CC2D2B: variants seen among roughly 807,000 people sequenced by gnomAD.
CC2D2B encodes coiled-coil and C2 domain containing 2B, also known as protein CC2D2B.
A neutral mutation model predicts 161.2 loss-of-function variants in CC2D2B; 128 were observed. That is an observed-to-expected ratio of 0.79 (90% CI 0.69 to 0.92). The LOEUF (loss-of-function observed/expected upper bound fraction) is 0.92. Ranked by LOEUF, CC2D2B falls within the 40% of genes least tolerant of loss-of-function variation. The pLI is 0.00. For synonymous variants in CC2D2B, 391 were observed against 449.8 expected (o/e 0.87, Z 1.65); for missense variants, 1,173 against 1,375.1 (o/e 0.85, Z 2.32).
intron 15 of CC2D2B, 75 bp from the exon 16 acceptor site, chr10:95,971,991 T>C: frequency 2.8e-6 from 2 of 702,846 alleles, no homozygotes; most frequent in Non-Finnish European, 4.0e-6. Context: ...AAATATATGT[T>C]GTTAAGGGTG....
chr10:95,936,008 C>G (rs936130190), intron 6 of CC2D2B, among the ~76,000 whole-genome samples: 2 of 152,178 alleles, frequency 1.3e-5, no homozygotes, highest in Non-Finnish European at 2.9e-5. Context: ...CTTAATCAGT[C>G]ATCTGACTTC....
At chr10:95,938,452 C>A in intron 7 of CC2D2B, 117 bp from the exon 8 acceptor site, 1 of 601,690 alleles carries the variant, frequency 1.7e-6, no homozygotes, top group South Asian at 2.3e-5. Context: ...GAGAGAGAGG[C>A]TTTCTGCTAG....
chr10:95,929,934 A>T (rs963746050), intron 6 of CC2D2B, among the ~76,000 whole-genome samples: 4 of 152,204 alleles, frequency 2.6e-5, no homozygotes, highest in African/African-American at 9.6e-5. Context: ...CTGTGAAGAA[A>T]GTCAATGGTA....
chr10:95,947,078 C>CAAAAAAAAAAAA lies in CC2D2B; in HGVS notation c.802-2813_802-2812insAAAAAAAAAAAA, dbSNP rs368168752. 6.7e-3 allele frequency among the ~76,000 whole-genome samples: 344 copies of CAAAAAAAAAAAA among 51,498 alleles called. 5 individuals carry two copies. The highest frequency in any genetic ancestry group is 0.013 in the Admixed American group (56 of 4,304). 33.8% of individuals were successfully genotyped at this position (51,498 alleles called of 152,430 possible). A position where few individuals can be genotyped will look rare whatever the true frequency, so the allele number is the denominator to read the frequency against. The stretch of plus-strand genomic sequence containing the variant: ...GTGCATAAATTCCAAATAGTGGACT[C>CAAAAAAAAAAAA]AAAAATATATATATATATATATATA... On this transcript the variant is annotated intron_variant, in intron 9 of 34. Transcript: ENST00000646931.
At position 95,927,233 on chromosome 10, in the gene CC2D2B, A is replaced by G. The variant is rs1341052847; in HGVS notation, c.241-4A>G. 6.6e-7 allele frequency: 1 copy of G among 1,509,930 alleles called. No homozygotes were observed. Among genetic ancestry groups the G allele is most frequent in the Non-Finnish European group, 9.0e-7 (1 of 1,110,386 alleles). The allele number at this position is 1,509,930 out of a possible 1,614,324, so 93.5% of individuals were successfully genotyped here. A position where few individuals can be genotyped will look rare whatever the true frequency, so the allele number is the denominator to read the frequency against. ...TTTCAACACTAAATACTGGTTTATCATAGTTGTCTCCACAGACTGAAGTCT... is the reference window on the plus strand; with the variant it reads ...TTTCAACACTAAATACTGGTTTATCGTAGTTGTCTCCACAGACTGAAGTCT... On this transcript the variant is annotated splice_region_variant and splice_polypyrimidine_tract_variant and intron_variant, in intron 5 of 34. Transcript: ENST00000646931.
At position 95,917,932 on chromosome 10, in the gene CC2D2B, C is replaced by A. The variant is rs552572156; in HGVS notation, c.37-4084C>A. On this transcript the variant is annotated intron_variant, in intron 2 of 34. Transcript: ENST00000646931. ...GCTGGGTTACAGACGCACACCACCACACCTGGCTAATTTTTGTATTTTTAA... is the reference window on the plus strand; with the variant it reads ...GCTGGGTTACAGACGCACACCACCAAACCTGGCTAATTTTTGTATTTTTAA... Among the ~76,000 whole-genome samples, 10 of 152,188 alleles carry A rather than the reference C, an allele frequency of 6.6e-5. No individual in the cohort carries two copies. The East Asian group carries it at 9.7e-4, about 15-fold the overall frequency.
intron 34 of CC2D2B, among the ~76,000 whole-genome samples, chr10:96,028,411 A>G (rs1225934449): frequency 1.3e-5 from 2 of 152,228 alleles, no homozygotes; most frequent in African/African-American, 4.8e-5. Flanking sequence ...AATGCAAATC[A>G]AAACTAAATA....
In CC2D2B at chr10:96,031,934, G is replaced by A. The variant is rs1256086459; in HGVS notation, c.4240G>A (p.Val1414Ile). 5 of 1,613,788 alleles carry A rather than the reference G, an allele frequency of 3.1e-6. No individual in the cohort carries two copies. The East Asian group carries it at 6.7e-5, about 22-fold the overall frequency. Residue 1414 changes from valine (V) to isoleucine (I), a missense_variant, in exon 35 of 35, where the codon GTA becomes ATA. By Grantham distance (29) the Val-to-Ile change is conservative. Coordinates refer to ENST00000646931, the MANE Select transcript of CC2D2B (RefSeq NM_001349008.3). Reference protein sequence around the residue: ...EFPQTEFALAVYIHPYPNNIL... With the variant: ...EFPQTEFALAIYIHPYPNNIL... ...TCCCCAGACAGAATTTGCTTTAGCT[G>A]TATACATTCACCCATACCCAAACAA...
chr10:96,019,079 T>A, intron 30 of CC2D2B, 124 bp from the exon 31 acceptor site: 3 of 729,228 alleles, frequency 4.1e-6, no homozygotes, highest in Non-Finnish European at 6.4e-6. Flanking sequence ...AGAGCCGGGA[T>A]TACAGGTATA....
upstream of CC2D2B, chr10:95,907,806 G>C (rs536794384): frequency 4.6e-5 from 7 of 152,688 alleles, no homozygotes; most frequent in Non-Finnish European, 7.3e-5. Flanking sequence ...GAGGGGCGGG[G>C]GTGATAGACC....
intron 2 of CC2D2B, among the ~76,000 whole-genome samples, chr10:95,918,153 C>T (rs1465001965): frequency 6.6e-6 from 1 of 152,170 alleles, no homozygotes; most frequent in Admixed American, 6.5e-5. Flanking sequence ...AGTTTACACA[C>T]CACAATTATG....
chr10:95,914,510 A>T (rs1391807406), intron 2 of CC2D2B, among the ~76,000 whole-genome samples: 2 of 152,136 alleles, frequency 1.3e-5, no homozygotes, highest in African/African-American at 4.8e-5. Context: ...TAATCCCCAT[A>T]ATCCCCAAGT....
At chr10:96,009,200 A>G (rs2078883437) in intron 25 of CC2D2B, among the ~76,000 whole-genome samples, 1 of 152,090 alleles carries the variant, frequency 6.6e-6, no homozygotes, top group Non-Finnish European at 1.5e-5. Context: ...TCTAGACAGC[A>G]TACAGTTGAG....
intron 24 of CC2D2B, among the ~76,000 whole-genome samples, chr10:95,997,585 C>T (rs2141727514): frequency 6.6e-6 from 1 of 152,240 alleles, no homozygotes; most frequent in South Asian, 2.1e-4. Flanking sequence ...ACTAGGGTCT[C>T]ACTATGTTGC....
rs1241642501 is a variant in CC2D2B at position 95,974,024 on chromosome 10, T to C, written c.1811T>C (p.Leu604Pro). 8.1e-7 allele frequency: 1 copy of C among 1,231,536 alleles called. No homozygotes were observed. Among genetic ancestry groups the C allele is most frequent in the East Asian group, 3.2e-5 (1 of 31,694 alleles). 76.3% of individuals were successfully genotyped at this position (1,231,536 alleles called of 1,614,324 possible). Reference sequence around the variant, plus strand: ...TTATAAACAGATGTGCCTTTTCTTCTTGAGGGAAATGGAACTGAAGAACTC... The same window carrying C: ...TTATAAACAGATGTGCCTTTTCTTCCTGAGGGAAATGGAACTGAAGAACTC... ...GEVGSNVPFL[L>P]EGNGTEELCL... Residue 604 changes from leucine (L) to proline (P), a missense_variant, in exon 17 of 35, where the codon CTT (leucine) becomes CCT (proline). By Grantham distance (98) the Leu-to-Pro change is moderately conservative (BLOSUM62 -3). Around this residue, in one of 3 missense-constraint regions of CC2D2B, gnomAD observed 277 missense variants for 420.6 expected, o/e 0.66. Coordinates refer to ENST00000646931, the MANE Select transcript of CC2D2B (RefSeq NM_001349008.3).
In CC2D2B at chr10:96,012,595, T is replaced by C; in HGVS notation, c.3292T>C (p.Phe1098Leu). ...TTTTAAAAAGAATTGTAAGGCAATG[T>C]TTCCCAACCGAAGAATCGTAACTAC... ...QIFKKNCKAMFPNRRIVTTVF... is the reference protein window; with the variant it reads ...QIFKKNCKAMLPNRRIVTTVF... The change falls in exon 28 of 35, where the codon TTT becomes CTT. Residue 1098 changes from phenylalanine (F) to leucine (L), a missense_variant. Phe to Leu is a conservative substitution (Grantham distance 22, BLOSUM62 0). Around this residue, in one of 3 missense-constraint regions of CC2D2B, gnomAD observed 598 missense variants for 693.2 expected, o/e 0.86. Transcript: ENST00000646931. 1 of 1,613,402 alleles carries C rather than the reference T, an allele frequency of 6.2e-7. No homozygotes were observed. The highest frequency in any genetic ancestry group is 8.5e-7 in the Non-Finnish European group (1 of 1,179,446).
intron 22 of CC2D2B, among the ~76,000 whole-genome samples, chr10:95,993,952 G>GTATATATATATATATATA (rs1169560460): frequency 5.5e-5 from 1 of 18,176 alleles, no homozygotes; most frequent in Non-Finnish European, 1.3e-4. Context: ...GTATGTATGT[G>GTATATATATATATATATA]TATATATATA....
intron 34 of CC2D2B, among the ~76,000 whole-genome samples, chr10:96,028,505 A>T (rs971569131): frequency 2.0e-5 from 3 of 152,228 alleles, no homozygotes; most frequent in Non-Finnish European, 4.4e-5. Context: ...GAGAAAAGGA[A>T]ACCTTTGTAC....
chr10:96,004,289 C>A, intron 25 of CC2D2B, 41 bp downstream of exon 25: 1 of 1,073,202 alleles, frequency 9.3e-7, no homozygotes, highest in Non-Finnish European at 1.4e-6. Context: ...TGAAATAATT[C>A]TAAGGTCAAA....
Sources: gnomAD v4.1 joint callset for allele counts (sites outside exome capture counted in the v4.1 genomes callset) on GRCh38, gnomAD v4.1.1 for gene constraint, gnomAD v4.1.1 regional missense constraint, MANE v1.5 for transcripts, NCBI Gene and HGNC (gene_info 2026-07-23, HGNC 2026-07-21) for gene names.